CCSER1: variants seen among roughly 807,000 people sequenced by gnomAD.
CCSER1 encodes serine-rich coiled-coil domain-containing protein 1.
CCSER1 carries 41 observed loss-of-function variants against 82.0 expected under a neutral mutation model. The observed-to-expected ratio is 0.50, with a 90% confidence interval of 0.39 to 0.65. The LOEUF (loss-of-function observed/expected upper bound fraction) is 0.65, where lower values mean the gene tolerates loss of function less well. Ranked by LOEUF, CCSER1 falls within the 30% of genes least tolerant of loss-of-function variation. CCSER1 has a pLI of 0.00. For missense variants in CCSER1, 1,119 were observed against 1,064.2 expected, an observed-to-expected ratio of 1.05 and a Z score of -0.72; for synonymous variants, 414 against 383.9, an observed-to-expected ratio of 1.08 and a Z score of -0.92.
intron 10 of CCSER1, among the ~76,000 whole-genome samples, chr4:91,540,066 T>G (rs1466845442): frequency 6.6e-6 from 1 of 152,142 alleles, no homozygotes; most frequent in Non-Finnish European, 1.5e-5. Context: ...TTTCACATTT[T>G]TAAAAATTGA....
chr4:90,512,536 C>T (rs1048171496), intron 5 of CCSER1, among the ~76,000 whole-genome samples: 1 of 152,092 alleles, frequency 6.6e-6, no homozygotes, highest in Non-Finnish European at 1.5e-5. Context: ...TTCTCTTCTA[C>T]TTTCTTATTC....
chr4:91,227,521 AT>A (rs149764697), intron 10 of CCSER1, among the ~76,000 whole-genome samples: 8,079 of 150,366 alleles, frequency 0.054, 287 homozygotes, highest in African/African-American at 0.1. Flanking sequence ...GTTTATTTTA[AT>A]TTTTTTTTAG....
chr4:91,101,804 C>T (rs1033047227), intron 10 of CCSER1, among the ~76,000 whole-genome samples: 2 of 152,156 alleles, frequency 1.3e-5, no homozygotes, highest in African/African-American at 4.8e-5. Flanking sequence ...TAGAACTATA[C>T]CTCTTAGTGA....
intron 3 of CCSER1, among the ~76,000 whole-genome samples, chr4:90,358,575 A>G (rs1744747446): frequency 6.6e-6 from 1 of 152,168 alleles, no homozygotes; most frequent in Admixed American, 6.5e-5. Context: ...AATACATTTT[A>G]TTAGGAGAAA....
intron 10 of CCSER1, among the ~76,000 whole-genome samples, chr4:91,508,305 A>G (rs114893176): frequency 0.062 from 5,333 of 85,406 alleles, 303 homozygotes; most frequent in African/African-American, 0.21. Context: ...AGTACACCCA[A>G]TATAAAAACA....
At chr4:91,540,595 G>T (rs1761537624) in intron 10 of CCSER1, among the ~76,000 whole-genome samples, 1 of 151,924 alleles carries the variant, frequency 6.6e-6, no homozygotes, top group African/African-American at 2.4e-5. Context: ...TTTATAGATT[G>T]TGCCTTTAGT....
chr4:91,431,098 T>C (rs996485611), intron 10 of CCSER1, among the ~76,000 whole-genome samples: 1 of 151,908 alleles, frequency 6.6e-6, no homozygotes, highest in Admixed American at 6.6e-5. Context: ...TAGCTGGGCG[T>C]GGTGGCGGGC....
chr4:91,322,055 G>A (rs544975437), intron 10 of CCSER1, among the ~76,000 whole-genome samples: 1 of 152,082 alleles, frequency 6.6e-6, no homozygotes, highest in East Asian at 1.9e-4. Flanking sequence ...ATGAATATCG[G>A]ATGAATGAAT....
chr4:90,318,980 T>C (rs1561019699), intron 3 of CCSER1, among the ~76,000 whole-genome samples: 1 of 152,298 alleles, frequency 6.6e-6, no homozygotes, highest in East Asian at 1.9e-4. Context: ...TGGGGCATGC[T>C]TCATTTGGAT....
At chr4:91,562,081 A>G (rs1031741329) in intron 10 of CCSER1, among the ~76,000 whole-genome samples, 13 of 151,502 alleles carry the variant, frequency 8.6e-5, no homozygotes, top group African/African-American at 3.1e-4. Flanking sequence ...TCCACTGATG[A>G]TGTGTCAGAC....
intron 10 of CCSER1, among the ~76,000 whole-genome samples, chr4:91,590,904 G>A (rs1764233868): frequency 6.6e-6 from 1 of 152,014 alleles, no homozygotes; most frequent in Non-Finnish European, 1.5e-5. Context: ...ATGATAAAAG[G>A]ATAGAAATGT....
At chr4:90,769,947 A>G (rs1048360414) in intron 7 of CCSER1, among the ~76,000 whole-genome samples, 2 of 152,110 alleles carry the variant, frequency 1.3e-5, no homozygotes, top group African/African-American at 2.4e-5. Flanking sequence ...TTTTGAGTGA[A>G]GGCTATGTTT....
chr4:90,985,548 G>A (rs1467299667), intron 9 of CCSER1, among the ~76,000 whole-genome samples: 1 of 151,576 alleles, frequency 6.6e-6, no homozygotes, highest in South Asian at 2.1e-4. Context: ...TTAAATATTT[G>A]TTCATTGTCT....
intron 6 of CCSER1, among the ~76,000 whole-genome samples, chr4:90,642,961 G>T (rs146361110): frequency 1.3e-3 from 202 of 151,644 alleles, no homozygotes; most frequent in Non-Finnish European, 1.8e-3. Context: ...AAATAGAAAT[G>T]AGTCAATTTA....
intron 7 of CCSER1, among the ~76,000 whole-genome samples, chr4:90,752,144 C>A (rs752986569): frequency 1.3e-5 from 2 of 152,034 alleles, no homozygotes; most frequent in African/African-American, 4.8e-5. Flanking sequence ...AACTTTACAG[C>A]GACTCCATGA....
In CCSER1 at chr4:91,145,766, C is replaced by G. The variant is rs72872921; in HGVS notation, c.2217+59772C>G. Among the ~76,000 whole-genome samples, 997 of 152,184 alleles carry G rather than the reference C, an allele frequency of 6.6e-3. 10 individuals carry two copies. The highest frequency in any genetic ancestry group is 0.023 in the African/African-American group (938 of 41,530). On this transcript the variant is annotated intron_variant, in intron 10 of 10. Transcript: ENST00000509176. ...TTGGGATGTTTTTTCTTTAAGGATA[C>G]TGGAAATGGACTCCTAATCTCTTCT... is the stretch of plus-strand genomic sequence containing the variant.
intron 6 of CCSER1, among the ~76,000 whole-genome samples, chr4:90,688,271 C>G (rs1178894942): frequency 6.6e-6 from 1 of 151,978 alleles, no homozygotes; most frequent in East Asian, 1.9e-4. Flanking sequence ...ATTCTGTATC[C>G]TTTGCTAAAT....
At chr4:90,865,518 G>C (rs1765625274) in intron 8 of CCSER1, among the ~76,000 whole-genome samples, 1 of 151,614 alleles carries the variant, frequency 6.6e-6, no homozygotes, top group Non-Finnish European at 1.5e-5. Flanking sequence ...CTTTATTCTT[G>C]TTGGTTTCCT....
intron 7 of CCSER1, chr4:90,781,513 T>G: frequency 1.0e-6 from 1 of 985,002 alleles, no homozygotes; most frequent in Non-Finnish European, 1.2e-6. Context: ...CTTATTTGAT[T>G]AGATGTTAAA....
Sources: allele counts gnomAD v4.1 joint callset (sites outside exome capture counted in the v4.1 genomes callset), GRCh38; gene constraint gnomAD v4.1.1; transcripts MANE v1.5; gene names NCBI Gene and HGNC (gene_info 2026-07-23, HGNC 2026-07-21).